KSR1: variants seen among roughly 807,000 people sequenced by gnomAD.
KSR1 encodes the protein kinase suppressor of ras.
In KSR1, 35 loss-of-function variants were observed where a neutral mutation model predicts 92.9. The observed-to-expected ratio is 0.38, with a 90% confidence interval of 0.29 to 0.50. KSR1 has a LOEUF of 0.50. Ranked by LOEUF, KSR1 falls within the 20% of genes least tolerant of loss-of-function variation. The probability of loss-of-function intolerance (pLI) is 0.94; values close to 1 mark genes in which losing one functional copy is unlikely to be tolerated. For synonymous variants in KSR1, 467 were observed against 472.6 expected (o/e 0.99, Z 0.15); for missense variants, 972 against 1,158.5 (o/e 0.84, Z 2.34).
At chr17:27,456,901 C>T (rs2019195503) in intron 1 of KSR1, 27 bp downstream of exon 1, 1 of 801,452 alleles carries the variant, frequency 1.2e-6, no homozygotes, top group Non-Finnish European at 2.2e-6. Context: ...CCAGGCTGGG[C>T]TCGAGGAGCG....
At chr17:27,476,831 G>A (rs1736385963) in intron 1 of KSR1, among the ~76,000 whole-genome samples, 1 of 152,166 alleles carries the variant, frequency 6.6e-6, no homozygotes, top group Non-Finnish European at 1.5e-5. Flanking sequence ...GACAGGAAAG[G>A]GGTCCCGATC....
intron 2 of KSR1, among the ~76,000 whole-genome samples, chr17:27,563,991 T>TTTTTTTTTTTTTTTTTG (rs2071947943): frequency 7.3e-6 from 1 of 136,076 alleles, no homozygotes; most frequent in Non-Finnish European, 1.6e-5. Flanking sequence ...CTTTTTTTTT[T>TTTTTTTTTTTTTTTTTG]TTTTTTTTTT....
At chr17:27,582,568 C>A in intron 3 of KSR1, 78 bp from the exon 4 acceptor site, 1 of 1,310,792 alleles carries the variant, frequency 7.6e-7, no homozygotes, top group Non-Finnish European at 1.1e-6. Context: ...AGGTGTTGAA[C>A]ATCTCTGGCC....
At position 27,625,568 on chromosome 17, in the gene KSR1, C is replaced by T. The variant is rs1222356685; in HGVS notation, c.*2176C>T. On this transcript the variant is annotated 3_prime_UTR_variant, in exon 21 of 21. Transcript: ENST00000644974. The stretch of plus-strand genomic sequence containing the variant: ...GGACTGGGGGCAGCTGGCTCTCAGC[C>T]TGCCACCTCTGCACTGCCTGCCTTT... The T allele has an allele frequency of 6.6e-6, 1 of 152,254 alleles. No individual in the cohort carries two copies. The highest frequency in any genetic ancestry group is 1.9e-4 in the East Asian group (1 of 5,194). 9.4% of individuals were successfully genotyped at this position (152,254 alleles called of 1,614,324 possible). A position where few individuals can be genotyped will look rare whatever the true frequency, so the allele number is the denominator to read the frequency against.
At position 27,585,518 on chromosome 17, in the gene KSR1, C is replaced by T. The variant is rs1176206794; in HGVS notation, c.981-139C>T. The T allele has an allele frequency of 4.3e-6, 3 of 699,758 alleles. No individual in the cohort carries two copies. In the South Asian group the frequency reaches 4.6e-5, roughly 11 times the overall value. The allele number at this position is 699,758 out of a possible 1,614,324, so 43.3% of individuals were successfully genotyped here. A position where few individuals can be genotyped will look rare whatever the true frequency, so the allele number is the denominator to read the frequency against. On this transcript the variant is annotated intron_variant, in intron 4 of 20. Transcript: ENST00000644974. ...GATTGCAGGGGTTCCCAGAGTCAAT[C>T]AGCCAGTCTGGCCTCAAGCCAGGCC...
intron 1 of KSR1, among the ~76,000 whole-genome samples, chr17:27,475,830 G>T (rs553022079): frequency 2.0e-5 from 3 of 152,342 alleles, no homozygotes; most frequent in Admixed American, 6.5e-5. Context: ...ACACACAGAT[G>T]TCAGTGACAG....
At chr17:27,508,499 G>A (rs1386045581) in intron 1 of KSR1, among the ~76,000 whole-genome samples, 1 of 152,026 alleles carries the variant, frequency 6.6e-6, no homozygotes, top group Non-Finnish European at 1.5e-5. Flanking sequence ...TTGTAGTGAA[G>A]CCCCTCTCTG....
rs2074281886 is a variant in KSR1 at position 27,623,553 on chromosome 17, A to T, written c.*161A>T. 2 of 662,966 alleles carry T rather than the reference A, an allele frequency of 3.0e-6. No individual in the cohort carries two copies. Among genetic ancestry groups the T allele is most frequent in the East Asian group, 2.7e-5 (1 of 37,006 alleles). The allele number at this position is 662,966 out of a possible 1,614,324, so 41.1% of individuals were successfully genotyped here. On this transcript the variant is annotated 3_prime_UTR_variant, in exon 21 of 21. Coordinates refer to ENST00000644974, the MANE Select transcript of KSR1 (RefSeq NM_001394583.1). ...GTTGGCCATAAACCCCACTCGGGAG[A>T]TGGAGCTGCACCTGCTATTTCTTAA... is the stretch of plus-strand genomic sequence containing the variant.
intron 1 of KSR1, among the ~76,000 whole-genome samples, chr17:27,487,157 G>A (rs544599099): frequency 4.6e-5 from 7 of 152,288 alleles, no homozygotes; most frequent in East Asian, 1.9e-4. Context: ...GTTTGTGGCC[G>A]GGCGCGATGG....
intron 1 of KSR1, among the ~76,000 whole-genome samples, chr17:27,509,354 G>A (rs545675772): frequency 4.0e-5 from 6 of 151,764 alleles, no homozygotes. Flanking sequence ...GCAGTGGTGC[G>A]ATCTTGGCTC....
chr17:27,602,459 G>A (rs1275648324), intron 11 of KSR1, among the ~76,000 whole-genome samples: 2 of 152,216 alleles, frequency 1.3e-5, no homozygotes, highest in African/African-American at 2.4e-5. Context: ...ATTTTCCCCC[G>A]AAGATATGTC....
At chr17:27,610,317 A>T in intron 17 of KSR1, 119 bp downstream of exon 17, 4 of 1,407,846 alleles carry the variant, frequency 2.8e-6, no homozygotes, top group Non-Finnish European at 3.9e-6. Context: ...TGGAGTAAAA[A>T]ATCAACCTTG....
intron 10 of KSR1, 40 bp from the exon 11 acceptor site, chr17:27,601,320 C>T: frequency 1.3e-6 from 2 of 1,583,320 alleles, no homozygotes; most frequent in Non-Finnish European, 1.7e-6. Flanking sequence ...CCTGCGTTGG[C>T]CGTTCTGTGT....
At chr17:27,491,624 G>C (rs1000797164) in intron 1 of KSR1, among the ~76,000 whole-genome samples, 1 of 152,100 alleles carries the variant, frequency 6.6e-6, no homozygotes, top group Non-Finnish European at 1.5e-5. Flanking sequence ...GTCCACAAAG[G>C]GTGGTACTTT....
At chr17:27,541,226 C>T (rs1481849424) in intron 1 of KSR1, among the ~76,000 whole-genome samples, 1 of 152,168 alleles carries the variant, frequency 6.6e-6, no homozygotes, top group Non-Finnish European at 1.5e-5. Flanking sequence ...GGAAGCTGGT[C>T]CACAACTGCA....
intron 9 of KSR1, among the ~76,000 whole-genome samples, chr17:27,594,156 C>G (rs983896080): frequency 6.6e-5 from 10 of 152,192 alleles, no homozygotes; most frequent in African/African-American, 2.2e-4. Context: ...GCCACTTGAC[C>G]TCTCTGAGCC....
At chr17:27,494,005 G>C (rs2068903001) in intron 1 of KSR1, among the ~76,000 whole-genome samples, 1 of 152,008 alleles carries the variant, frequency 6.6e-6, no homozygotes, top group African/African-American at 2.4e-5. Flanking sequence ...AGAAACTTGG[G>C]GACGCTGAGG....
At chr17:27,524,387 T>C (rs1394696029) in intron 1 of KSR1, among the ~76,000 whole-genome samples, 1 of 152,092 alleles carries the variant, frequency 6.6e-6, no homozygotes, top group Non-Finnish European at 1.5e-5. Context: ...TGTGTCAAGA[T>C]CTTTGAACTT....
chr17:27,496,197 C>A (rs561901420), intron 1 of KSR1, among the ~76,000 whole-genome samples: 2 of 152,086 alleles, frequency 1.3e-5, no homozygotes, highest in Non-Finnish European at 2.9e-5. Context: ...AGAGTGAGGC[C>A]CCGGGTGGCG....
Sources: allele counts gnomAD v4.1 joint callset (sites outside exome capture counted in the v4.1 genomes callset), GRCh38; gene constraint gnomAD v4.1.1; transcripts MANE v1.5; gene names NCBI Gene and HGNC (gene_info 2026-07-23, HGNC 2026-07-21).